The following GRIN3A variants were observed in gnomAD, a reference collection of about 807,000 sequenced individuals.
The protein encoded by GRIN3A is glutamate ionotropic receptor NMDA type subunit 3A.
In GRIN3A, 47 loss-of-function variants were observed where a neutral mutation model predicts 92.4. The observed-to-expected ratio is 0.51, with a 90% confidence interval of 0.40 to 0.65. The LOEUF (loss-of-function observed/expected upper bound fraction) is 0.65. Ranked by LOEUF, GRIN3A falls within the 30% of genes least tolerant of loss-of-function variation. GRIN3A has a pLI of 0.00. For missense variants in GRIN3A, 1,324 were observed against 1,393.1 expected, an observed-to-expected ratio of 0.95 and a Z score of 0.79; for synonymous variants, 527 against 540.6, an observed-to-expected ratio of 0.97 and a Z score of 0.35.
chr9:101,661,584 A>G (rs1455921320), intron 3 of GRIN3A, among the ~76,000 whole-genome samples: 1 of 151,876 alleles, frequency 6.6e-6, no homozygotes, highest in African/African-American at 2.4e-5. Context: ...TTTATAGCAT[A>G]TGGAATATTA....
intron 1 of GRIN3A, among the ~76,000 whole-genome samples, chr9:101,697,341 T>C (rs188192985): frequency 6.6e-6 from 1 of 152,314 alleles, no homozygotes; most frequent in East Asian, 1.9e-4. Flanking sequence ...ACATTGAGAA[T>C]GTTGAATTTA....
At chr9:101,582,268 T>G (rs1827897103) in intron 6 of GRIN3A, among the ~76,000 whole-genome samples, 1 of 152,108 alleles carries the variant, frequency 6.6e-6, no homozygotes, top group Non-Finnish European at 1.5e-5. Context: ...TTTCAGGCTG[T>G]GTTGGAGCCT....
At chr9:101,576,155 G>A (rs562495179) in intron 8 of GRIN3A, among the ~76,000 whole-genome samples, 288 of 152,216 alleles carry the variant, frequency 1.9e-3, no homozygotes, top group African/African-American at 6.4e-3. Context: ...TCAAGCCTTC[G>A]TCAGTCTTAG....
rs578015417 is a variant in GRIN3A, at chr9:101,640,614, C to T, written c.2353-12213G>A. Among the ~76,000 whole-genome samples the T allele has an allele frequency of 1.8e-4, 27 of 152,238 alleles. No individual in the cohort carries two copies. In the Middle Eastern group the frequency reaches 0.01, roughly 58 times the overall value. On this transcript the variant is annotated intron_variant, in intron 3 of 8. Coordinates refer to ENST00000361820, the MANE Select transcript of GRIN3A (RefSeq NM_133445.3). The stretch of plus-strand genomic sequence containing the variant: ...CTGATATGGTTTGGCTGTGTCCCCA[C>T]GCAGATCTCAAGTTGTAACTCCCAC...
At chr9:101,737,245 C>T (rs1830219770) in intron 1 of GRIN3A, 36 bp downstream of exon 1, 1 of 1,565,560 alleles carries the variant, frequency 6.4e-7, no homozygotes. Context: ...CCCCCAGCAG[C>T]GCCCATCTCC....
At chr9:101,715,738 A>ATTCC (rs2119020065) in intron 1 of GRIN3A, among the ~76,000 whole-genome samples, 1 of 152,290 alleles carries the variant, frequency 6.6e-6, no homozygotes, top group South Asian at 2.1e-4. Context: ...TCATTCATTC[A>ATTCC]TTCCTTAACA....
chr9:101,651,711 G>A (rs1410880742), intron 3 of GRIN3A, among the ~76,000 whole-genome samples: 1 of 150,954 alleles, frequency 6.6e-6, no homozygotes, highest in African/African-American at 2.4e-5. Flanking sequence ...TTGCTTGGAG[G>A]GTTATTATAA....
At chr9:101,654,641 C>A (rs1829060659) in intron 3 of GRIN3A, among the ~76,000 whole-genome samples, 1 of 151,510 alleles carries the variant, frequency 6.6e-6, no homozygotes, top group South Asian at 2.1e-4. Context: ...CTTTATCTGC[C>A]TATTAAGAGA....
intron 6 of GRIN3A, among the ~76,000 whole-genome samples, chr9:101,579,883 C>T (rs1827867843): frequency 6.6e-6 from 1 of 152,154 alleles, no homozygotes; most frequent in African/African-American, 2.4e-5. Context: ...GACAGCTCAC[C>T]AGTTTCCCAA....
intron 6 of GRIN3A, among the ~76,000 whole-genome samples, chr9:101,612,060 C>G (rs1828375451): frequency 6.6e-6 from 1 of 152,134 alleles, no homozygotes; most frequent in African/African-American, 2.4e-5. Flanking sequence ...ATTTTTGTCC[C>G]ATTAACATGG....
At chr9:101,577,697 A>G in intron 8 of GRIN3A, 71 bp downstream of exon 8, 1 of 1,120,220 alleles carries the variant, frequency 8.9e-7, no homozygotes, top group South Asian at 1.2e-5. Context: ...TTTGATCTGA[A>G]TAATTATACA....
chr9:101,688,899 T>C (rs1829575885), intron 1 of GRIN3A, among the ~76,000 whole-genome samples: 1 of 151,956 alleles, frequency 6.6e-6, no homozygotes, highest in African/African-American at 2.4e-5. Context: ...AAAAAGGATT[T>C]AGTGACAAGA....
intron 3 of GRIN3A, among the ~76,000 whole-genome samples, chr9:101,638,001 A>G (rs950734905): frequency 6.6e-6 from 1 of 152,214 alleles, no homozygotes; most frequent in African/African-American, 2.4e-5. Flanking sequence ...TCTCTCTGGT[A>G]TCCTATGTTC....
chr9:101,700,479 A>C lies in GRIN3A; in HGVS notation c.700-13279T>G, dbSNP rs535024415. 3.3e-4 allele frequency among the ~76,000 whole-genome samples: 50 copies of C among 152,314 alleles called. No individual in the cohort carries two copies. In the South Asian group the frequency reaches 0.01, roughly 31 times the overall value. ...AGAATTCACAAAATTGCTCAAGTGT[A>C]TACATGTCTGAGGCACTGGCTGGAA... On this transcript the variant is annotated intron_variant, in intron 1 of 8. Coordinates refer to ENST00000361820, the MANE Select transcript of GRIN3A (RefSeq NM_133445.3).
chr9:101,688,717 G>A (rs1235433940), intron 1 of GRIN3A, among the ~76,000 whole-genome samples: 3 of 152,056 alleles, frequency 2.0e-5, no homozygotes, highest in African/African-American at 7.2e-5. Flanking sequence ...TCAGGATTTC[G>A]AGACCAGCCT....
At chr9:101,613,678 T>C (rs779042665) in intron 5 of GRIN3A, 151 bp from the exon 6 acceptor site, 2 of 735,938 alleles carry the variant, frequency 2.7e-6, no homozygotes, top group Non-Finnish European at 4.8e-6. Context: ...AAGACATTCC[T>C]AGTCATGATT....
At chr9:101,609,012 A>G (rs1236884392) in intron 6 of GRIN3A, among the ~76,000 whole-genome samples, 1 of 152,168 alleles carries the variant, frequency 6.6e-6, no homozygotes, top group African/African-American at 2.4e-5. Context: ...AAGTGGTTGG[A>G]TTCTTATTCA....
chr9:101,684,316 A>T (rs1977724), intron 2 of GRIN3A, among the ~76,000 whole-genome samples: 1 of 141,164 alleles, frequency 7.1e-6, no homozygotes, highest in Non-Finnish European at 1.5e-5. Context: ...GTTTCACCAT[A>T]TTGGCCAGGA....
chr9:101,716,715 A>G (rs1829952464), intron 1 of GRIN3A, among the ~76,000 whole-genome samples: 1 of 152,194 alleles, frequency 6.6e-6, no homozygotes, highest in Non-Finnish European at 1.5e-5. Context: ...GTTTCTGGCT[A>G]ATACTTGTCT....
Sources: gnomAD v4.1 joint callset for allele counts (sites outside exome capture counted in the v4.1 genomes callset) on GRCh38, gnomAD v4.1.1 for gene constraint, MANE v1.5 for transcripts, NCBI Gene and HGNC (gene_info 2026-07-23, HGNC 2026-07-21) for gene names.